MZF1: variants seen among roughly 807,000 people sequenced by gnomAD.
The protein encoded by MZF1 is zinc finger and SCAN domain-containing protein 6.
Under a neutral mutation model 28.6 loss-of-function variants are expected in MZF1, and 24 were observed. That is an observed-to-expected ratio of 0.84 (90% confidence interval 0.61 to 1.18). MZF1 has a LOEUF of 1.18. Ranked by LOEUF, MZF1 falls within the 50% of genes most tolerant of loss-of-function variation. The probability of loss-of-function intolerance (pLI) is 0.00; values close to 1 mark genes in which losing one functional copy is unlikely to be tolerated. For synonymous variants in MZF1, 516 were observed against 432.5 expected, an observed-to-expected ratio of 1.19 and a Z score of -2.40; for missense variants, 1,166 against 1,026.4, an observed-to-expected ratio of 1.14 and a Z score of -1.86.
At chr19:58,569,925 C>T (rs1458985965) in intron 3 of MZF1, 1 of 319,086 alleles carries the variant, frequency 3.1e-6, no homozygotes, top group Non-Finnish European at 5.8e-6. Flanking sequence ...GTTCAGGTGC[C>T]CTGCCTGGGA....
At position 58,571,238 on chromosome 19, in the gene MZF1, C is replaced by T. The variant is rs3752109; in HGVS notation, c.152G>A (p.Arg51His). The T allele has an allele frequency of 0.27, 433,669 of 1,611,266 alleles. 60,715 individuals carry two copies. Among genetic ancestry groups the T allele is most frequent in the East Asian group, 0.3 (13,523 of 44,798 alleles). ...TTGGGGCCCTGTGGCCTCCTCATAG[C>T]GGAAGCACCGGAAACGCAGGCGTGC... Reference protein sequence around the residue: ...EAARLRFRCFRYEEATGPQEA... With the variant: ...EAARLRFRCFHYEEATGPQEA... The change falls in exon 2 of 6, where the codon CGC (arginine) becomes CAC (histidine). Residue 51 changes from arginine (R) to histidine (H), a missense_variant. Transcript: ENST00000215057.
At chr19:58,569,091 G>T in intron 5 of MZF1, 186 bp downstream of exon 5, 1 of 669,880 alleles carries the variant, frequency 1.5e-6, no homozygotes, top group Non-Finnish European at 2.4e-6. Flanking sequence ...TGGTAGTGGT[G>T]GGTGGCTTTT....
chr19:58,570,647 G>T, intron 2 of MZF1, 120 bp from the exon 3 acceptor site: 10 of 1,114,722 alleles, frequency 9.0e-6, no homozygotes, highest in Non-Finnish European at 1.3e-5. Flanking sequence ...AATACCTACT[G>T]ACTAGGTCCT....
Position 58,571,159 on chromosome 19 carries a change from T to C in MZF1, c.231A>G (p.Val77=), listed in dbSNP as rs141992847. The change falls in exon 2 of 6, where the codon GTA becomes GTG. Residue 77 remains valine (V), a synonymous_variant. Coordinates refer to ENST00000215057, the MANE Select transcript of MZF1 (RefSeq NM_198055.2). ...GCTCCAGCATCTGCTCCTTGGAGCG[T>C]ACCTCTGGACGCAGCCACTGGCGAC... The part of the protein sequence containing the change: ...ELCRQWLRPE[V]RSKEQMLELL... The C allele has an allele frequency of 6.2e-7, 1 of 1,614,026 alleles. No individual in the cohort carries two copies. Among genetic ancestry groups the C allele is most frequent in the Non-Finnish European group, 8.5e-7 (1 of 1,179,970 alleles).
intron 5 of MZF1, among the ~76,000 whole-genome samples, chr19:58,566,413 C>T (rs968044704): frequency 6.6e-6 from 1 of 152,028 alleles, no homozygotes; most frequent in Non-Finnish European, 1.5e-5. Flanking sequence ...CGCCATTGCA[C>T]TCCAGCCTGG....
In MZF1 at chr19:58,569,595, G is replaced by C. The variant is rs755131677; in HGVS notation, c.581-9C>G. 9 of 1,594,024 alleles carry C rather than the reference G, an allele frequency of 5.6e-6. No homozygotes were observed. Among genetic ancestry groups the C allele is most frequent in the Non-Finnish European group, 6.8e-6 (8 of 1,168,144 alleles). ...CCCAGACTCCAGGAAATCTAGAGAG[G>C]AAAACTGGTATCAGGCAGCCTGAGT... On this transcript the variant is annotated splice_polypyrimidine_tract_variant and intron_variant, in intron 3 of 5. Coordinates refer to ENST00000215057, the MANE Select transcript of MZF1 (RefSeq NM_198055.2).
At chr19:58,570,972 C>G in intron 2 of MZF1, 22 bp downstream of exon 2, 1 of 1,583,624 alleles carries the variant, frequency 6.3e-7, no homozygotes, top group Non-Finnish European at 8.6e-7. Flanking sequence ...GTCCTGAACC[C>G]CACTCGTGGA....
intron 5 of MZF1, chr19:58,568,626 G>C (rs2054100110): frequency 6.6e-6 from 1 of 152,200 alleles, no homozygotes; most frequent in East Asian, 1.9e-4. Context: ...TTCAGATATG[G>C]GACATGTCAG....
Position 58,562,141 on chromosome 19 carries a change from C to T in MZF1, c.2136G>A (p.Gln712=). The change falls in exon 6 of 6, where the codon CAG becomes CAA. Residue 712 remains glutamine, a synonymous_variant. Transcript: ENST00000215057. ...TCTGGTGGAAGCGGCGGCCACAGTC[C>T]TGGCAGGCGAAGGGCTTCTCTCGTC... is the stretch of plus-strand genomic sequence containing the variant. ...THRREKPFAC[Q]DCGRRFHQST... 6.3e-7 allele frequency: 1 copy of T among 1,591,844 alleles called. No individual in the cohort carries two copies. The highest frequency in any genetic ancestry group is 8.5e-7 in the Non-Finnish European group (1 of 1,172,122).
intron 5 of MZF1, among the ~76,000 whole-genome samples, chr19:58,567,118 G>T (rs2054073071): frequency 6.6e-6 from 1 of 152,158 alleles, no homozygotes. Context: ...ATGTTGCCCA[G>T]GATGGTCTCG....
Position 58,571,425 on chromosome 19 carries a change from T to G in MZF1, c.-36A>C. On this transcript the variant is annotated 5_prime_UTR_variant, in exon 2 of 6. Coordinates refer to ENST00000215057, the MANE Select transcript of MZF1 (RefSeq NM_198055.2). Reference sequence around the variant, plus strand: ...AGGTCAGGTATCTGAGGCCAGTGTCTGCCCCTGGTGAAGAAATAGGATGAG... The same window carrying G: ...AGGTCAGGTATCTGAGGCCAGTGTCGGCCCCTGGTGAAGAAATAGGATGAG... 1 of 1,609,978 alleles carries G rather than the reference T, an allele frequency of 6.2e-7. No individual in the cohort carries two copies. Among genetic ancestry groups the G allele is most frequent in the South Asian group, 1.1e-5 (1 of 90,822 alleles).
chr19:58,564,906 T>TTTTTTTTTTTTG (rs2054014107), intron 5 of MZF1, among the ~76,000 whole-genome samples: 1 of 71,050 alleles, frequency 1.4e-5, no homozygotes, highest in Non-Finnish European at 2.6e-5. Flanking sequence ...GTGTGTGTTT[T>TTTTTTTTTTTTG]TTTTTTTTTT....
intron 3 of MZF1, 183 bp from the exon 4 acceptor site, chr19:58,569,769 AAGGCC>A: frequency 1.7e-6 from 1 of 576,680 alleles, no homozygotes; most frequent in Non-Finnish European, 3.1e-6. Flanking sequence ...AGTACCCTGG[AAGGCC>A]AGGGGTTGAG....
intron 3 of MZF1, 99 bp downstream of exon 3, chr19:58,570,245 T>C: frequency 7.6e-7 from 1 of 1,310,290 alleles, no homozygotes; most frequent in South Asian, 1.5e-5. Context: ...ATTCCATTTA[T>C]AACAAACCTG....
rs2054010372 is a variant in MZF1, at chr19:58,564,898, GTGTGTTTTTTTT to G, written c.773-1406_773-1395del. On this transcript the variant is annotated intron_variant, in intron 5 of 5. Coordinates refer to ENST00000215057, the MANE Select transcript of MZF1 (RefSeq NM_198055.2). The stretch of plus-strand genomic sequence containing the variant: ...CAGGGTGGAGAATAAGCATCCATGT[GTGTGTTTTTTTT>G]TTTTTTTTTTTTTTTTTTTTTTTTT... Among the ~76,000 whole-genome samples the G allele has an allele frequency of 1.4e-4, 13 of 91,900 alleles. 1 individual carries two copies. Among genetic ancestry groups the G allele is most frequent in the African/African-American group, 6.3e-4 (12 of 18,900 alleles). The allele number at this position is 91,900 out of a possible 152,430, so 60.3% of individuals were successfully genotyped here.
rs745330572 is a variant in MZF1 at position 58,562,968 on chromosome 19, C to G, written c.1309G>C (p.Glu437Gln). ...CACTCAGCGCAACGGAAAGGCTGTT[C>G]GCCCGTGTGCACTCTCCGATGCTCT... ...LEEHRRVHTG[E>Q]QPFRCAECGQ... Residue 437 changes from glutamate (E) to glutamine (Q), a missense_variant, in exon 6 of 6, where the codon GAA becomes CAA. By Grantham distance (29) the Glu-to-Gln change is conservative. Transcript: ENST00000215057. 6.2e-7 allele frequency: 1 copy of G among 1,600,994 alleles called. No individual in the cohort carries two copies. The highest frequency in any genetic ancestry group is 1.1e-5 in the South Asian group (1 of 91,014).
At position 58,569,297 on chromosome 19, in the gene MZF1, G is replaced by C. The variant is rs757336742; in HGVS notation, c.752C>G (p.Ala251Gly). The change falls in exon 5 of 6, where the codon GCT becomes GGT. Residue 251 changes from alanine to glycine, a missense_variant. Ala to Gly is a moderately conservative substitution (Grantham distance 60). Transcript: ENST00000215057. ...CTTACCTGGGGAGAAGATGCCCCCA[G>C]CTTCCTCATGCCACAGGGCCCTGGG... Reference protein sequence around the residue: ...EHPRALWHEEAGGIFSPGFAL... With the variant: ...EHPRALWHEEGGGIFSPGFAL... 2 of 1,607,758 alleles carry C rather than the reference G, an allele frequency of 1.2e-6. No homozygotes were observed. Among genetic ancestry groups the C allele is most frequent in the Admixed American group, 1.7e-5 (1 of 58,770 alleles).
chr19:58,568,652 A>G (rs2054100529), intron 5 of MZF1: 1 of 152,358 alleles, frequency 6.6e-6, no homozygotes, highest in South Asian at 2.1e-4. Flanking sequence ...TATCTTCCAC[A>G]CCAGAACACC....
rs773152561 is a variant in MZF1, at chr19:58,562,665, C to T, written c.1612G>A (p.Glu538Lys). 2.9e-5 allele frequency: 44 copies of T among 1,542,922 alleles called. No individual in the cohort carries two copies. Among genetic ancestry groups the T allele is most frequent in the Middle Eastern group, 1.7e-4 (1 of 5,758 alleles). The stretch of plus-strand genomic sequence containing the variant: ...CACTCGGCACAGGCGAAGGGCCGCT[C>T]GCCACTGTGCACGCGCCGGTGCTGC... ...LLQHRRVHSG[E>K]RPFACAECGQ... The change falls in exon 6 of 6, where the codon GAG (glutamate) becomes AAG (lysine). Residue 538 changes from glutamate (E) to lysine (K), a missense_variant. Glu to Lys is a moderately conservative substitution (Grantham distance 56). Transcript: ENST00000215057.
Sources: allele counts gnomAD v4.1 joint callset (sites outside exome capture counted in the v4.1 genomes callset), GRCh38; gene constraint gnomAD v4.1.1; transcripts MANE v1.5; gene names NCBI Gene and HGNC (gene_info 2026-07-23, HGNC 2026-07-21).